Variants in STIM1 observed in about 807,000 individuals in gnomAD.
STIM1 encodes stromal interaction molecule 1.
A neutral mutation model predicts 74.7 loss-of-function variants in STIM1; 25 were observed. The ratio of observed to expected loss-of-function variants is 0.33; its 90% confidence interval spans 0.24 to 0.47. The LOEUF is 0.47. Among genes scored for constraint, STIM1 ranks in the 20% least tolerant of loss-of-function variants. The pLI is 1.00. For missense variants in STIM1, 728 were observed against 920.8 expected, an observed-to-expected ratio of 0.79 and a Z score of 2.71; for synonymous variants, 328 against 348.8, an observed-to-expected ratio of 0.94 and a Z score of 0.66.
At chr11:4,075,770 A>T (rs995415687) in intron 7 of STIM1, among the ~76,000 whole-genome samples, 3 of 152,106 alleles carry the variant, frequency 2.0e-5, no homozygotes, top group Non-Finnish European at 1.5e-5. Context: ...TTTATTAGAA[A>T]CTGTCAAACA....
intron 2 of STIM1, among the ~76,000 whole-genome samples, chr11:4,007,681 A>G (rs545394795): frequency 1.3e-5 from 2 of 152,338 alleles, no homozygotes; most frequent in South Asian, 2.1e-4. Context: ...TCTCCTTCCA[A>G]TAATAATCTC....
chr11:3,974,484 TGGACAACATA>T (rs1372321576), intron 2 of STIM1, among the ~76,000 whole-genome samples: 1 of 137,484 alleles, frequency 7.3e-6, no homozygotes, highest in East Asian at 2.1e-4. Context: ...AAGACCAGCC[TGGACAACATA>T]GGGAGACTCT....
chr11:4,035,764 C>T (rs1346197182), intron 3 of STIM1, among the ~76,000 whole-genome samples: 2 of 150,340 alleles, frequency 1.3e-5, no homozygotes, highest in African/African-American at 2.5e-5. Flanking sequence ...CATGGTCTAT[C>T]TTGTTAAATA....
chr11:3,953,894 C>T lies in STIM1; in HGVS notation c.140-13658C>T, dbSNP rs143868576. ...ACCTCCCAGGCCCAAGAAATCCTCT[C>T]ATCCCAGCCTCCCTAATAGCTGGCA... On this transcript the variant is annotated intron_variant, in intron 1 of 12. Coordinates refer to ENST00000526596, the MANE Select transcript of STIM1 (RefSeq NM_001382567.1). Among the ~76,000 whole-genome samples, 572 of 151,340 alleles carry T rather than the reference C, an allele frequency of 3.8e-3. 3 individuals are homozygous for T. The highest frequency in any genetic ancestry group is 0.013 in the African/African-American group (537 of 41,304).
intron 5 of STIM1, among the ~76,000 whole-genome samples, chr11:4,063,624 C>T (rs536318004): frequency 3.9e-5 from 6 of 152,190 alleles, no homozygotes; most frequent in Admixed American, 3.9e-4. Context: ...AGCTTTATTG[C>T]AGTGGCCTCA....
chr11:3,924,139 T>TA (rs972532081), intron 1 of STIM1, among the ~76,000 whole-genome samples: 5 of 150,412 alleles, frequency 3.3e-5, no homozygotes, highest in African/African-American at 1.2e-4. Flanking sequence ...TTAAAATTAT[T>TA]TTTTTTTTTC....
intron 1 of STIM1, among the ~76,000 whole-genome samples, chr11:3,888,813 A>G (rs2091810388): frequency 6.6e-6 from 1 of 151,990 alleles, no homozygotes. Context: ...CGGCTTCCCA[A>G]AGTGCTGGGA....
At chr11:3,934,177 G>A (rs1344021936) in intron 1 of STIM1, among the ~76,000 whole-genome samples, 3 of 152,080 alleles carry the variant, frequency 2.0e-5, no homozygotes, top group Non-Finnish European at 1.5e-5. Context: ...GGTGGAAGAG[G>A]AAGTGTAACA....
At chr11:3,899,326 T>C (rs1331649315) in intron 1 of STIM1, among the ~76,000 whole-genome samples, 2 of 152,204 alleles carry the variant, frequency 1.3e-5, no homozygotes, top group African/African-American at 4.8e-5. Flanking sequence ...TTGTCTGTTA[T>C]TGGTGTATAA....
At chr11:3,979,287 G>A (rs1012853160) in intron 2 of STIM1, among the ~76,000 whole-genome samples, 7 of 151,906 alleles carry the variant, frequency 4.6e-5, no homozygotes, top group Admixed American at 1.3e-4. Context: ...AGTTTCTCCC[G>A]GAAAGCCCAT....
At chr11:4,015,495 C>T (rs1028788799) in intron 2 of STIM1, among the ~76,000 whole-genome samples, 1 of 152,142 alleles carries the variant, frequency 6.6e-6, no homozygotes. Flanking sequence ...TTCATTTCCA[C>T]CTTGGTGAAT....
At chr11:4,024,045 C>T in intron 3 of STIM1, 58 bp downstream of exon 3, 1 of 1,444,876 alleles carries the variant, frequency 6.9e-7, no homozygotes, top group Non-Finnish European at 9.7e-7. Context: ...AAGAGAGAAG[C>T]AGCAACTTGG....
At chr11:4,047,524 G>C (rs1240344594) in intron 3 of STIM1, among the ~76,000 whole-genome samples, 1 of 152,138 alleles carries the variant, frequency 6.6e-6, no homozygotes, top group East Asian at 1.9e-4. Flanking sequence ...GCTGAGGCAG[G>C]AGAATTACAT....
intron 1 of STIM1, among the ~76,000 whole-genome samples, chr11:3,866,580 C>A (rs2090866183): frequency 6.6e-6 from 1 of 152,078 alleles, no homozygotes; most frequent in Admixed American, 6.5e-5. Flanking sequence ...GTGCGTGCCA[C>A]CATGCCCAGC....
chr11:4,036,434 T>C (rs1389930806), intron 3 of STIM1, among the ~76,000 whole-genome samples: 1 of 152,218 alleles, frequency 6.6e-6, no homozygotes, highest in Admixed American at 6.5e-5. Flanking sequence ...ATCACCACAG[T>C]GTCTTCCACA....
intron 1 of STIM1, among the ~76,000 whole-genome samples, chr11:3,879,283 A>G (rs982648345): frequency 1.3e-5 from 2 of 151,866 alleles, no homozygotes; most frequent in South Asian, 2.1e-4. Flanking sequence ...CTAGCTATAC[A>G]TTTTCCTCTG....
At chr11:4,004,910 A>T (rs980244182) in intron 2 of STIM1, among the ~76,000 whole-genome samples, 5 of 152,210 alleles carry the variant, frequency 3.3e-5, no homozygotes, top group African/African-American at 1.2e-4. Flanking sequence ...GCCCCATCAA[A>T]AAGTGGGCAA....
intron 1 of STIM1, among the ~76,000 whole-genome samples, chr11:3,914,507 T>A (rs977407290): frequency 1.3e-5 from 2 of 152,210 alleles, no homozygotes; most frequent in Non-Finnish European, 2.9e-5. Context: ...AGTGGCGCAG[T>A]CTCAGCTCAC....
At chr11:3,919,988 G>A (rs1006526707) in intron 1 of STIM1, among the ~76,000 whole-genome samples, 31 of 152,066 alleles carry the variant, frequency 2.0e-4, no homozygotes, top group Non-Finnish European at 2.6e-4. Flanking sequence ...TAAGGTGAGA[G>A]GATTGCTTGA....
Sources: allele counts gnomAD v4.1 joint callset (sites outside exome capture counted in the v4.1 genomes callset), GRCh38; gene constraint gnomAD v4.1.1; transcripts MANE v1.5; gene names NCBI Gene and HGNC (gene_info 2026-07-23, HGNC 2026-07-21).